TOM1L2: variants seen among roughly 807,000 people sequenced by gnomAD.
TOM1L2 encodes the protein TOM1-like protein 2.
In TOM1L2, 31 loss-of-function variants were observed where a neutral mutation model predicts 67.9. The observed-to-expected ratio is 0.46, with a 90% CI of 0.34 to 0.62. The LOEUF is 0.62. Ranked by LOEUF, TOM1L2 falls within the 20% of genes least tolerant of loss-of-function variation. TOM1L2 has a pLI of 0.01. For synonymous variants in TOM1L2, 256 were observed against 254.0 expected, an observed-to-expected ratio of 1.01 and a Z score of -0.07; for missense variants, 606 against 663.5, an observed-to-expected ratio of 0.91 and a Z score of 0.95.
chr17:17,854,267 T>G (rs2036147385), intron 12 of TOM1L2, among the ~76,000 whole-genome samples: 1 of 152,098 alleles, frequency 6.6e-6, no homozygotes. Flanking sequence ...AAAGAAACTG[T>G]GGGAGGCCGA....
At chr17:17,892,516 C>T (rs1455859637) in intron 4 of TOM1L2, among the ~76,000 whole-genome samples, 3 of 152,150 alleles carry the variant, frequency 2.0e-5, no homozygotes, top group African/African-American at 7.2e-5. Flanking sequence ...CAGAGCCCTT[C>T]GATGTCTTCC....
rs369984263 is a variant in TOM1L2 at position 17,879,716 on chromosome 17, C to T, written c.688G>A (p.Val230Ile). ...ATGACTTTTGTGTTTCCTCGAACGA[C>T]GTCCAGTTCACTCCGCAGCCTGGCA... is the stretch of plus-strand genomic sequence containing the variant. The part of the protein sequence containing the change: ...QIARLRSELD[V>I]VRGNTKVMSE... Residue 230 changes from valine to isoleucine, a missense_variant, in exon 7 of 15, where the codon GTC (valine) becomes ATC (isoleucine). This residue lies in a region of TOM1L2 where 543 missense variants were observed against 554.0 expected (regional missense o/e 0.98). Transcript: ENST00000379504. The T allele has an allele frequency of 7.4e-6, 12 of 1,614,064 alleles. No homozygotes were observed. The African/African-American group carries it at 8.0e-5, about 11-fold the overall frequency.
chr17:17,884,958 CT>C (rs1167420620), intron 4 of TOM1L2, among the ~76,000 whole-genome samples, 190 bp from the exon 5 acceptor site: 1 of 152,256 alleles, frequency 6.6e-6, no homozygotes, highest in Non-Finnish European at 1.5e-5. Context: ...GAAACCCTGG[CT>C]TTCAATGGTG....
intron 4 of TOM1L2, among the ~76,000 whole-genome samples, chr17:17,886,927 T>G (rs1319731312): frequency 2.6e-5 from 4 of 152,216 alleles, no homozygotes; most frequent in African/African-American, 7.2e-5. Flanking sequence ...ATGTTCTCAC[T>G]GGGTAGGCAG....
At chr17:17,850,493 T>A (rs1299863050) in intron 13 of TOM1L2, among the ~76,000 whole-genome samples, 7 of 144,154 alleles carry the variant, frequency 4.9e-5, no homozygotes, top group East Asian at 4.1e-4. Context: ...AAAAAAGAAA[T>A]GAAAACAAAA....
rs887925446 is a variant in TOM1L2, at chr17:17,913,125, G to A, written c.53-5594C>T. Reference sequence around the variant, plus strand: ...TCAGGCAGGGAGGTTGCAGTGAGCCGAGATGGCAGCAGTACAGTCCAGCTT... The same window carrying A: ...TCAGGCAGGGAGGTTGCAGTGAGCCAAGATGGCAGCAGTACAGTCCAGCTT... On this transcript the variant is annotated intron_variant, in intron 1 of 14. Transcript: ENST00000379504. Among the ~76,000 whole-genome samples, 19 of 151,644 alleles carry A rather than the reference G, an allele frequency of 1.3e-4. No homozygotes were observed. In the South Asian group the frequency reaches 1.9e-3, roughly 15 times the overall value.
intron 7 of TOM1L2, among the ~76,000 whole-genome samples, chr17:17,875,647 G>A (rs569224641): frequency 6.6e-6 from 1 of 152,250 alleles, no homozygotes; most frequent in Admixed American, 6.5e-5. Flanking sequence ...AGAACACCTT[G>A]GTAAATATCC....
intron 9 of TOM1L2, among the ~76,000 whole-genome samples, 162 bp from the exon 10 acceptor site, chr17:17,866,581 T>G (rs2036862755): frequency 6.6e-6 from 1 of 152,168 alleles, no homozygotes; most frequent in Non-Finnish European, 1.5e-5. Context: ...AGGTCCATGG[T>G]GGGCCTGGAT....
intron 13 of TOM1L2, among the ~76,000 whole-genome samples, chr17:17,850,488 A>T (rs1428762500): frequency 1.3e-5 from 2 of 151,866 alleles, no homozygotes; most frequent in African/African-American, 2.4e-5. Flanking sequence ...TAAAAAAAAA[A>T]GAAATGAAAA....
chr17:17,850,803 A>C, intron 13 of TOM1L2, 90 bp downstream of exon 13: 1 of 1,390,164 alleles, frequency 7.2e-7, no homozygotes, highest in Non-Finnish European at 1.0e-6. Context: ...ACAGGGGTGG[A>C]GCCCCTGCTG....
chr17:17,921,381 G>A (rs571479399), intron 1 of TOM1L2, among the ~76,000 whole-genome samples: 1 of 152,356 alleles, frequency 6.6e-6, no homozygotes, highest in South Asian at 2.1e-4. Flanking sequence ...AGGATCCACA[G>A]ATTTAAAATG....
chr17:17,910,964 G>A (rs921201361), intron 1 of TOM1L2, among the ~76,000 whole-genome samples: 1 of 152,202 alleles, frequency 6.6e-6, no homozygotes, highest in African/African-American at 2.4e-5. Context: ...GCTAAAACCA[G>A]TCCTCTTTTG....
chr17:17,858,526 C>T (rs902269668), intron 12 of TOM1L2: 1 of 152,304 alleles, frequency 6.6e-6, no homozygotes, highest in African/African-American at 2.4e-5. Flanking sequence ...AAGCAATTCT[C>T]TGTCTCAGCC....
At position 17,884,590 on chromosome 17, in the gene TOM1L2, G is replaced by T. The variant is rs200485753; in HGVS notation, c.501+44C>A. ...GTGGCTGCAGCAGCTTGGCTCACCC[G>T]TTCTGCAGTAGGTCTTTCTAGAAAG... On this transcript the variant is annotated intron_variant, in intron 5 of 14. Transcript: ENST00000379504. 2.5e-6 allele frequency: 4 copies of T among 1,611,784 alleles called. No homozygotes were observed. The Admixed American group carries it at 5.0e-5, about 20-fold the overall frequency.
At chr17:17,953,804 G>A (rs1402854240) in intron 1 of TOM1L2, among the ~76,000 whole-genome samples, 1 of 152,244 alleles carries the variant, frequency 6.6e-6, no homozygotes, top group Non-Finnish European at 1.5e-5. Context: ...ACAAAGTCAA[G>A]AGGGTTAAAT....
At chr17:17,851,547 G>T (rs1358091589) in intron 12 of TOM1L2, among the ~76,000 whole-genome samples, 1 of 152,214 alleles carries the variant, frequency 6.6e-6, no homozygotes, top group Non-Finnish European at 1.5e-5. Context: ...TGCTCCGCTG[G>T]GCTGGGTGTG....
chr17:17,879,546 G>T, intron 7 of TOM1L2, 81 bp downstream of exon 7: 1 of 1,129,008 alleles, frequency 8.9e-7, no homozygotes, highest in Non-Finnish European at 1.3e-6. Flanking sequence ...CCTTGCCGCT[G>T]TGTCCCCGGG....
Position 17,882,858 on chromosome 17 carries a change from G to A in TOM1L2, c.507C>T (p.Val169=). 6.2e-7 allele frequency: 1 copy of A among 1,614,124 alleles called. No homozygotes were observed. Among genetic ancestry groups the A allele is most frequent in the Non-Finnish European group, 8.5e-7 (1 of 1,180,000 alleles). Residue 169 remains valine (V), a synonymous_variant, in exon 6 of 15, where the codon GTC becomes GTT. Coordinates refer to ENST00000379504, the MANE Select transcript of TOM1L2 (RefSeq NM_001082968.2). ...LSPIHTPQRS[V]PEVDPAATMP... ...TGGTCGCAGCTGGATCCACTTCAGG[G>A]ACACTCTGGCATGGCAACAACAAAG...
chr17:17,869,516 T>A, intron 7 of TOM1L2, 43 bp from the exon 8 acceptor site: 1 of 1,557,812 alleles, frequency 6.4e-7, no homozygotes, highest in East Asian at 2.3e-5. Context: ...TGGGTGTGCT[T>A]TTCGTCACAT....
Sources: gnomAD v4.1 joint callset for allele counts (sites outside exome capture counted in the v4.1 genomes callset) on GRCh38, gnomAD v4.1.1 for gene constraint, gnomAD v4.1.1 regional missense constraint, MANE v1.5 for transcripts, NCBI Gene and HGNC (gene_info 2026-07-23, HGNC 2026-07-21) for gene names.